NCALD: variants seen among roughly 807,000 people sequenced by gnomAD.
The protein encoded by NCALD is neurocalcin-delta.
Under a neutral mutation model 18.6 loss-of-function variants are expected in NCALD, and 10 were observed. The observed-to-expected ratio is 0.54, with a 90% CI of 0.33 to 0.91. The LOEUF (loss-of-function observed/expected upper bound fraction) is 0.91. NCALD is among the 40% of genes least tolerant of loss of function. The pLI is 0.03. For missense variants in NCALD, 184 were observed against 247.6 expected, an observed-to-expected ratio of 0.74 and a Z score of 1.72; for synonymous variants, 88 against 87.4, an observed-to-expected ratio of 1.01 and a Z score of -0.04.
chr8:101,816,824 G>A (rs996359863), intron 4 of NCALD, among the ~76,000 whole-genome samples: 1 of 152,128 alleles, frequency 6.6e-6, no homozygotes, highest in Non-Finnish European at 1.5e-5. Flanking sequence ...TGTCAAAGTA[G>A]GTTCATCAGT....
At chr8:101,827,136 C>T (rs1813969629) in intron 4 of NCALD, among the ~76,000 whole-genome samples, 2 of 152,194 alleles carry the variant, frequency 1.3e-5, no homozygotes, top group Non-Finnish European at 2.9e-5. Flanking sequence ...CCTTCCTTGC[C>T]TCTTTCAGAT....
chr8:101,977,582 TTA>T (rs1491429474), intron 2 of NCALD, among the ~76,000 whole-genome samples: 1 of 152,226 alleles, frequency 6.6e-6, no homozygotes, highest in Non-Finnish European at 1.5e-5. Flanking sequence ...CTTCCTGCTC[TTA>T]CTCTGTTTCA....
chr8:102,055,991 T>C (rs1823637577), intron 1 of NCALD, among the ~76,000 whole-genome samples: 1 of 152,318 alleles, frequency 6.6e-6, no homozygotes, highest in South Asian at 2.1e-4. Flanking sequence ...CTTAGTGATC[T>C]TTTAGAGTGT....
intron 1 of NCALD, among the ~76,000 whole-genome samples, chr8:102,075,157 A>C (rs1457824530): frequency 6.6e-6 from 1 of 152,236 alleles, no homozygotes; most frequent in Non-Finnish European, 1.5e-5. Context: ...GAAAAAACTC[A>C]GATTTCTCTT....
At chr8:101,775,346 G>A (rs1460279831) in intron 1 of NCALD, among the ~76,000 whole-genome samples, 2 of 152,174 alleles carry the variant, frequency 1.3e-5, no homozygotes, top group African/African-American at 4.8e-5. Context: ...AATTTCTGGT[G>A]CTTGGCAATC....
chr8:102,075,071 G>A (rs958577922), intron 1 of NCALD, among the ~76,000 whole-genome samples: 10 of 152,170 alleles, frequency 6.6e-5, no homozygotes, highest in African/African-American at 2.4e-4. Context: ...CTTTATATTG[G>A]TCAGAACTGT....
chr8:102,035,517 T>A (rs1455910721), intron 1 of NCALD, among the ~76,000 whole-genome samples: 4 of 152,158 alleles, frequency 2.6e-5, no homozygotes, highest in African/African-American at 9.7e-5. Flanking sequence ...GTGTACTATG[T>A]AGCCAGAGGT....
intron 3 of NCALD, among the ~76,000 whole-genome samples, chr8:101,913,240 A>G (rs543322676): frequency 3.9e-5 from 6 of 152,374 alleles, no homozygotes; most frequent in African/African-American, 1.2e-4. Flanking sequence ...GTAGCAATAC[A>G]TAACTAACAC....
intron 1 of NCALD, among the ~76,000 whole-genome samples, chr8:102,121,713 C>A (rs1184148585): frequency 2.0e-5 from 3 of 152,186 alleles, no homozygotes; most frequent in Admixed American, 2.0e-4. Flanking sequence ...CAGATCGTTA[C>A]ATTTCTTCAT....
At chr8:102,093,140 C>T (rs578255870) in intron 1 of NCALD, among the ~76,000 whole-genome samples, 4 of 151,356 alleles carry the variant, frequency 2.6e-5, no homozygotes, top group Non-Finnish European at 5.9e-5. Context: ...GCCAGAGCAA[C>T]AGAGTGAGAC....
intron 1 of NCALD, among the ~76,000 whole-genome samples, chr8:102,119,352 CTAGAG>C (rs1403505244): frequency 6.6e-6 from 1 of 152,094 alleles, no homozygotes; most frequent in African/African-American, 2.4e-5. Flanking sequence ...TATGAGGTAC[CTAGAG>C]TAGTCAATTC....
chr8:101,863,521 G>A (rs1347190633), intron 4 of NCALD, among the ~76,000 whole-genome samples: 1 of 151,986 alleles, frequency 6.6e-6, no homozygotes, highest in Non-Finnish European at 1.5e-5. Context: ...CCAGCTAGGG[G>A]GATTTAGGCT....
intron 1 of NCALD, among the ~76,000 whole-genome samples, chr8:102,049,955 G>T (rs527793322): frequency 4.4e-4 from 67 of 151,144 alleles, no homozygotes; most frequent in Middle Eastern, 3.4e-3. Context: ...GAGGTCAGGA[G>T]ATCGAGACCA....
chr8:101,729,840 A>G (rs7843836), intron 1 of NCALD, among the ~76,000 whole-genome samples: 72,232 of 152,042 alleles, frequency 0.48, 19,525 homozygotes, highest in African/African-American at 0.73. Flanking sequence ...TATTTTTCAT[A>G]AAGTGCAACC....
chr8:101,838,396 A>G (rs1586608004), intron 4 of NCALD, among the ~76,000 whole-genome samples: 1 of 151,958 alleles, frequency 6.6e-6, no homozygotes, highest in East Asian at 1.9e-4. Context: ...TAATTTTTGT[A>G]TTTTTAGTAG....
chr8:102,087,566 G>A (rs536674810), intron 1 of NCALD, among the ~76,000 whole-genome samples: 1 of 152,308 alleles, frequency 6.6e-6, no homozygotes, highest in South Asian at 2.1e-4. Context: ...CCCAACTTAA[G>A]AAGGTTAGAA....
At chr8:101,812,055 A>AACCTGTC (rs920979819) in intron 4 of NCALD, among the ~76,000 whole-genome samples, 2 of 152,174 alleles carry the variant, frequency 1.3e-5, no homozygotes, top group African/African-American at 4.8e-5. Context: ...CTATCCTGGG[A>AACCTGTC]ACCTGTCCTG....
intron 1 of NCALD, among the ~76,000 whole-genome samples, chr8:102,065,001 T>C (rs1587005538): frequency 9.5e-6 from 1 of 105,242 alleles, no homozygotes; most frequent in Admixed American, 1.1e-4. Context: ...ACAATTCTTC[T>C]CACTTTGGCA....
chr8:101,869,850 G>T (rs1462709154), intron 4 of NCALD, among the ~76,000 whole-genome samples: 2 of 152,078 alleles, frequency 1.3e-5, no homozygotes, highest in Non-Finnish European at 2.9e-5. Context: ...AATCATTCAG[G>T]AGTGTGTTAC....
Sources: gnomAD v4.1 joint callset for allele counts (sites outside exome capture counted in the v4.1 genomes callset) on GRCh38, gnomAD v4.1.1 for gene constraint, MANE v1.5 for transcripts, NCBI Gene and HGNC (gene_info 2026-07-23, HGNC 2026-07-21) for gene names.